The following GABRB3 variants were observed in gnomAD, a reference collection of about 807,000 sequenced individuals.
The protein encoded by GABRB3 is gamma-aminobutyric acid type A receptor subunit beta3.
A neutral mutation model predicts 52.1 loss-of-function variants in GABRB3; 14 were observed. That is an observed-to-expected ratio of 0.27 (90% CI 0.18 to 0.42). The LOEUF (loss-of-function observed/expected upper bound fraction) is 0.42, where lower values mean the gene tolerates loss of function less well. GABRB3 is among the 10% of genes least tolerant of loss of function. The pLI is 1.00. For synonymous variants in GABRB3, 260 were observed against 232.3 expected (o/e 1.12, Z -1.08); for missense variants, 307 against 609.1 (o/e 0.50, Z 5.22).
In GABRB3 at chr15:26,639,464, T is replaced by C. The variant is rs117597709; in HGVS notation, c.241-17930A>G. 2.4e-3 allele frequency among the ~76,000 whole-genome samples: 370 copies of C among 152,238 alleles called. 1 individual carries two copies. Among genetic ancestry groups the C allele is most frequent in the Non-Finnish European group, 4.2e-3 (288 of 68,018 alleles). On this transcript the variant is annotated intron_variant, in intron 3 of 8. Transcript: ENST00000311550. ...GGCATTTACATTTTATTAGGAATTA[T>C]GAGAATAGAGATGATTTAATGCATA...
intron 3 of GABRB3, chr15:26,625,527 A>G: frequency 1.0e-6 from 1 of 982,308 alleles, no homozygotes; most frequent in Non-Finnish European, 1.2e-6. Context: ...TTTGAATTCC[A>G]AGCCTGTCTG....
intron 6 of GABRB3, among the ~76,000 whole-genome samples, chr15:26,568,663 A>AT (rs1890274351): frequency 9.9e-6 from 1 of 100,922 alleles, no homozygotes; most frequent in Admixed American, 1.1e-4. Context: ...ATGCCCAGCT[A>AT]GGTTTTTTTT....
intron 3 of GABRB3, among the ~76,000 whole-genome samples, chr15:26,676,327 A>T (rs1888067595): frequency 6.6e-6 from 1 of 152,162 alleles, no homozygotes; most frequent in Non-Finnish European, 1.5e-5. Context: ...GGTCCTGCCA[A>T]GTCCCTGGGG....
intron 3 of GABRB3, among the ~76,000 whole-genome samples, chr15:26,724,649 G>T (rs1198496677): frequency 6.6e-6 from 1 of 152,162 alleles, no homozygotes; most frequent in Non-Finnish European, 1.5e-5. Flanking sequence ...TCAGAGGGCT[G>T]AAAACTCCAC....
intron 4 of GABRB3, among the ~76,000 whole-genome samples, chr15:26,594,003 T>TAA (rs200725696): frequency 0.039 from 5,388 of 138,136 alleles, 386 homozygotes; most frequent in African/African-American, 0.14. Flanking sequence ...TATATATATA[T>TAA]AATAGCCATC....
At chr15:26,746,123 T>C (rs941684518) in intron 3 of GABRB3, among the ~76,000 whole-genome samples, 1 of 152,208 alleles carries the variant, frequency 6.6e-6, no homozygotes, top group Non-Finnish European at 1.5e-5. Flanking sequence ...TTAAACAGTG[T>C]CACTTTTTTT....
At chr15:26,759,097 TA>T (rs1890741414) in intron 3 of GABRB3, among the ~76,000 whole-genome samples, 1 of 152,160 alleles carries the variant, frequency 6.6e-6, no homozygotes, top group Non-Finnish European at 1.5e-5. Context: ...TCCTATGACA[TA>T]ATAAAATCAA....
chr15:26,758,848 A>C (rs1566832064), intron 3 of GABRB3, among the ~76,000 whole-genome samples: 1 of 152,226 alleles, frequency 6.6e-6, no homozygotes, highest in African/African-American at 2.4e-5. Context: ...CAAGGTGGTA[A>C]ATTAGCGCAA....
chr15:26,690,121 T>TTTTTTTTGG (rs1888541038), intron 3 of GABRB3, among the ~76,000 whole-genome samples: 1 of 151,394 alleles, frequency 6.6e-6, no homozygotes, highest in African/African-American at 2.4e-5. Flanking sequence ...TTTTTTTTTT[T>TTTTTTTTGG]GAGACAAGGT....
At chr15:26,554,341 T>C (rs1889674073) in intron 8 of GABRB3, among the ~76,000 whole-genome samples, 1 of 150,480 alleles carries the variant, frequency 6.6e-6, no homozygotes, top group African/African-American at 2.4e-5. Flanking sequence ...AACACAGTTT[T>C]AAATACCATC....
At chr15:26,616,020 C>A (rs900234322) in intron 4 of GABRB3, 1 of 1,289,214 alleles carries the variant, frequency 7.8e-7, no homozygotes, top group Admixed American at 2.3e-5. Context: ...CTTCAGTGTT[C>A]TCAGCTGTGC....
At chr15:26,723,814 C>T (rs909593386) in intron 3 of GABRB3, among the ~76,000 whole-genome samples, 5 of 152,150 alleles carry the variant, frequency 3.3e-5, no homozygotes, top group African/African-American at 4.8e-5. Context: ...ACCAAGGCCA[C>T]GATTCCTAGG....
chr15:26,687,083 G>A (rs978267719), intron 3 of GABRB3, among the ~76,000 whole-genome samples: 1 of 152,232 alleles, frequency 6.6e-6, no homozygotes, highest in Admixed American at 6.5e-5. Context: ...GCCACTCTGG[G>A]AAGTGAGGGT....
At chr15:26,584,846 T>C (rs998785601) in intron 4 of GABRB3, among the ~76,000 whole-genome samples, 1 of 152,170 alleles carries the variant, frequency 6.6e-6, no homozygotes, top group Non-Finnish European at 1.5e-5. Flanking sequence ...TGTGGTGGGT[T>C]CCTGAGTCAA....
At chr15:26,687,254 T>G (rs1888435348) in intron 3 of GABRB3, among the ~76,000 whole-genome samples, 1 of 152,244 alleles carries the variant, frequency 6.6e-6, no homozygotes, top group Admixed American at 6.5e-5. Context: ...AAGAAATTTA[T>G]CAATGCCACC....
rs542542164 is a variant in GABRB3, at chr15:26,689,545, C to T, written c.241-68011G>A. 8.5e-5 allele frequency among the ~76,000 whole-genome samples: 13 copies of T among 152,232 alleles called. No individual in the cohort carries two copies. In the South Asian group the frequency reaches 2.3e-3, roughly 27 times the overall value. ...ACATTACACTTCATGCCTCATTACA[C>T]GTCATGCCTCTTCTTGGGACCCATG... On this transcript the variant is annotated intron_variant, in intron 3 of 8. Coordinates refer to ENST00000311550, the MANE Select transcript of GABRB3 (RefSeq NM_000814.6).
chr15:26,581,589 T>C (rs1890792053), intron 5 of GABRB3, among the ~76,000 whole-genome samples: 2 of 152,190 alleles, frequency 1.3e-5, no homozygotes, highest in Non-Finnish European at 2.9e-5. Flanking sequence ...CATCCCTCCT[T>C]TCTCATTCAC....
At chr15:26,631,629 G>A (rs1431184017) in intron 3 of GABRB3, among the ~76,000 whole-genome samples, 2 of 152,238 alleles carry the variant, frequency 1.3e-5, no homozygotes, top group Non-Finnish European at 2.9e-5. Flanking sequence ...TAAGCCCTAG[G>A]TGGTGGTGAC....
rs551652600 is a variant in GABRB3 at position 26,706,325 on chromosome 15, T to C, written c.240+66077A>G. Among the ~76,000 whole-genome samples, 23 of 152,258 alleles carry C rather than the reference T, an allele frequency of 1.5e-4. No individual in the cohort carries two copies. In the South Asian group the frequency reaches 4.8e-3, roughly 32 times the overall value. On this transcript the variant is annotated intron_variant, in intron 3 of 8. Transcript: ENST00000311550. The stretch of plus-strand genomic sequence containing the variant: ...CCATAAAATCTTCATACAAAAGAGT[T>C]CATACAGAAGTGTTACAGGAGCCTA...
Sources: gnomAD v4.1 joint callset for allele counts (sites outside exome capture counted in the v4.1 genomes callset) on GRCh38, gnomAD v4.1.1 for gene constraint, MANE v1.5 for transcripts, NCBI Gene and HGNC (gene_info 2026-07-23, HGNC 2026-07-21) for gene names.